HEATR4: variants seen among roughly 807,000 people sequenced by gnomAD.
HEATR4 encodes HEAT repeat-containing protein 4.
A neutral mutation model predicts 108.8 loss-of-function variants in HEATR4; 95 were observed. The observed-to-expected ratio is 0.87, with a 90% CI of 0.74 to 1.04. The LOEUF is 1.04. Ranked by LOEUF, HEATR4 falls within the 50% of genes least tolerant of loss-of-function variation. HEATR4 has a pLI of 0.00. For missense variants in HEATR4, 1,152 were observed against 1,253.8 expected (o/e 0.92, Z 1.23); for synonymous variants, 443 against 459.4 (o/e 0.96, Z 0.46).
intron 14 of HEATR4, 52 bp downstream of exon 14, chr14:73,498,103 G>A (rs948917436): frequency 2.0e-6 from 3 of 1,509,002 alleles, no homozygotes; most frequent in Non-Finnish European, 2.7e-6. Context: ...GAGCAAAGAT[G>A]TGAGAGTTGG....
chr14:73,501,446 G>A (rs1886454247), intron 11 of HEATR4, among the ~76,000 whole-genome samples: 1 of 150,500 alleles, frequency 6.6e-6, no homozygotes, highest in Non-Finnish European at 1.5e-5. Context: ...TTAGAGATGG[G>A]GTCTTGCTAT....
At chr14:73,534,359 A>T in intron 1 of HEATR4, among the ~76,000 whole-genome samples, 1 of 109,376 alleles carries the variant, frequency 9.1e-6, no homozygotes, top group Middle Eastern at 4.9e-3. Flanking sequence ...AGCCTGGGCG[A>T]CAGAGCAAGA....
At chr14:73,524,310 A>AAAAAAAAAAAT in intron 2 of HEATR4, among the ~76,000 whole-genome samples, 3 of 54,778 alleles carry the variant, frequency 5.5e-5, no homozygotes, top group African/African-American at 1.8e-4. Context: ...AAAAAAAAAA[A>AAAAAAAAAAAT]ATATATATAT....
At chr14:73,620,108 C>A in the HEATR4 span, among the ~76,000 whole-genome samples, 2 of 152,214 alleles carry the variant, frequency 1.3e-5, no homozygotes, top group Admixed American at 1.3e-4. Flanking sequence ...GACAAGGTTT[C>A]GCCATGTTGG....
intron 1 of HEATR4, among the ~76,000 whole-genome samples, chr14:73,536,047 ATGTG>A (rs1383171359): frequency 8.6e-6 from 1 of 115,924 alleles, no homozygotes; most frequent in African/African-American, 2.8e-5. Context: ...AATATACTTG[ATGTG>A]TGCCACAGAA....
chr14:73,584,695 AGAG>A, the HEATR4 span, among the ~76,000 whole-genome samples: 1 of 146,100 alleles, frequency 6.8e-6, no homozygotes. Flanking sequence ...CTCCAAGCTC[AGAG>A]GAGGCAGAGG....
At chr14:73,623,795 C>T in the HEATR4 span, among the ~76,000 whole-genome samples, 4 of 152,110 alleles carry the variant, frequency 2.6e-5, no homozygotes, top group South Asian at 8.3e-4. Flanking sequence ...TGAGTTCCCA[C>T]AAGAGTTCCC....
intron 6 of HEATR4, among the ~76,000 whole-genome samples, chr14:73,512,737 C>T (rs897466244): frequency 5.9e-5 from 9 of 152,206 alleles, no homozygotes; most frequent in Admixed American, 5.2e-4. Context: ...ACATCTTCCT[C>T]ATTTTAGTTG....
At chr14:73,612,914 G>T in the HEATR4 span, 28 of 1,356,196 alleles carry the variant, frequency 2.1e-5, no homozygotes, top group African/African-American at 2.6e-4. Context: ...CCACGACACC[G>T]AGCCCGGGCG....
rs1886396584 is a variant in HEATR4, at chr14:73,500,624, A to C, written c.2212T>G (p.Phe738Val). The C allele has an allele frequency of 4.3e-6, 7 of 1,614,192 alleles. No individual in the cohort carries two copies. The East Asian group carries it at 1.6e-4, about 36-fold the overall frequency. The change falls in exon 12 of 18, where the codon TTC (phenylalanine) becomes GTC (valine). Residue 738 changes from phenylalanine (F) to valine (V), a missense_variant. Phe to Val is a conservative substitution (Grantham distance 50). Coordinates refer to ENST00000553558, the MANE Select transcript of HEATR4 (RefSeq NM_001220484.1). ...CGAACTGCTGTGAAGTCATCAGAGA[A>C]GCAGTGCAGGAAGCTTGGGAGAAGC... ...AKLLPSFLHC[F>V]SDDFTAVRRA... is the part of the protein sequence containing the mutation.
the HEATR4 span, among the ~76,000 whole-genome samples, chr14:73,623,981 C>T: frequency 3.9e-5 from 6 of 151,928 alleles, no homozygotes; most frequent in Non-Finnish European, 7.4e-5. Flanking sequence ...CCTGCAGAAC[C>T]GTGAGCCAAA....
chr14:73,590,951 G>A, the HEATR4 span, among the ~76,000 whole-genome samples: 1 of 152,250 alleles, frequency 6.6e-6, no homozygotes, highest in Admixed American at 6.5e-5. Flanking sequence ...AGGAGGCGCC[G>A]ACAGCGAGCG....
chr14:73,514,512 GTTATCT>G (rs1887471285), intron 5 of HEATR4, among the ~76,000 whole-genome samples: 1 of 152,066 alleles, frequency 6.6e-6, no homozygotes, highest in African/African-American at 2.4e-5. Context: ...AAGTTTAAAG[GTTATCT>G]TTAGGAACCT....
chr14:73,594,204 C>T, the HEATR4 span, among the ~76,000 whole-genome samples: 6 of 152,158 alleles, frequency 3.9e-5, no homozygotes, highest in Admixed American at 3.9e-4. Context: ...TTCCTGGTGT[C>T]AGAGTATGTT....
rs761970252 is a variant in HEATR4, at chr14:73,495,271, T to C, written c.2742A>G (p.Gln914=). ...KRVYLKPKGE[Q]GPLTLQTLLQ... is the part of the protein sequence containing the mutation. The stretch of plus-strand genomic sequence containing the variant: ...GTAAAGTCTGGAGTGTTAGTGGTCC[T>C]TGTTCTCCTTTGGGTTTCAAGTAAA... Residue 914 remains glutamine, a synonymous_variant, in exon 16 of 18, where the codon CAA becomes CAG. Transcript: ENST00000553558. 1.9e-6 allele frequency: 3 copies of C among 1,614,004 alleles called. No homozygotes were observed. The African/African-American group carries it at 4.0e-5, about 22-fold the overall frequency.
the HEATR4 span, among the ~76,000 whole-genome samples, chr14:73,614,380 C>A: frequency 6.6e-6 from 1 of 152,128 alleles, no homozygotes; most frequent in South Asian, 2.1e-4. Context: ...GGAATTGGGT[C>A]TTACAGATTT....
chr14:73,492,008 C>T lies in HEATR4; in HGVS notation c.2844+1058G>A. 6.2e-7 allele frequency: 1 copy of T among 1,613,986 alleles called. No homozygotes were observed. The highest frequency in any genetic ancestry group is 8.5e-7 in the Non-Finnish European group (1 of 1,179,888). On this transcript the variant is annotated intron_variant, in intron 17 of 17. Coordinates refer to ENST00000553558, the MANE Select transcript of HEATR4 (RefSeq NM_001220484.1). The surrounding 1 kb of genome is among the most constrained non-coding windows in gnomAD (Gnocchi z 4.9). ...GGCAGGCTCCAACGTTTACCTCACG[C>T]CCCCTAACTCGCAGGGCTTTGCCCC...
At chr14:73,595,034 CTT>C in the HEATR4 span, 2 of 1,611,876 alleles carry the variant, frequency 1.2e-6, no homozygotes, top group East Asian at 2.2e-5. Flanking sequence ...ACTCTCCTCT[CTT>C]CTTTTCTTCC....
chr14:73,602,484 T>C, the HEATR4 span, among the ~76,000 whole-genome samples: 3 of 152,174 alleles, frequency 2.0e-5, no homozygotes, highest in African/African-American at 4.8e-5. Flanking sequence ...GGTCCCTTCT[T>C]CCACCCCGCT....
Sources: allele counts gnomAD v4.1 joint callset (sites outside exome capture counted in the v4.1 genomes callset), GRCh38; gene constraint gnomAD v4.1.1; non-coding constraint Gnocchi (gnomAD v3.1); transcripts MANE v1.5; gene names NCBI Gene and HGNC (gene_info 2026-07-23, HGNC 2026-07-21).